The following PSMD14 variants were observed in gnomAD, a reference collection of about 807,000 sequenced individuals.
PSMD14 encodes the protein proteasome 26S subunit, non-ATPase 14.
PSMD14 carries 7 observed loss-of-function variants against 41.2 expected under a neutral mutation model. The ratio of observed to expected loss-of-function variants is 0.17; its 90% CI spans 0.10 to 0.32. The LOEUF is 0.32. Ranked by LOEUF, PSMD14 falls within the 10% of genes least tolerant of loss-of-function variation. The probability of loss-of-function intolerance (pLI) is 1.00; values close to 1 mark genes in which losing one functional copy is unlikely to be tolerated. For missense variants in PSMD14, 139 were observed against 375.6 expected, an observed-to-expected ratio of 0.37 and a Z score of 5.21; for synonymous variants, 114 against 122.3, an observed-to-expected ratio of 0.93 and a Z score of 0.45.
Position 161,378,667 on chromosome 2 carries a change from T to A in PSMD14, c.463-6797T>A, listed in dbSNP as rs541253422. ...TGGTTTTGTGTCAGGACAGCTATTA[T>A]AACAAACAGCTTTATGATGAAGAGT... On this transcript the variant is annotated intron_variant, in intron 7 of 11. Transcript: ENST00000409682. 9.2e-5 allele frequency among the ~76,000 whole-genome samples: 14 copies of A among 152,098 alleles called. No homozygotes were observed. The South Asian group carries it at 2.9e-3, about 32-fold the overall frequency.
intron 10 of PSMD14, among the ~76,000 whole-genome samples, chr2:161,401,367 C>G (rs1393920785): frequency 6.6e-6 from 1 of 152,192 alleles, no homozygotes; most frequent in Non-Finnish European, 1.5e-5. Context: ...GGTTAGCACC[C>G]ATAACCCTCA....
intron 3 of PSMD14, among the ~76,000 whole-genome samples, chr2:161,348,600 T>A (rs962850879): frequency 1.3e-5 from 2 of 152,246 alleles, no homozygotes; most frequent in African/African-American, 4.8e-5. Flanking sequence ...CATGGAGGAA[T>A]AATTCTATAC....
At chr2:161,351,715 A>G (rs1683119138) in intron 3 of PSMD14, among the ~76,000 whole-genome samples, 1 of 152,180 alleles carries the variant, frequency 6.6e-6, no homozygotes, top group Non-Finnish European at 1.5e-5. Context: ...CTCATACTGT[A>G]TGTCTACATG....
intron 10 of PSMD14, among the ~76,000 whole-genome samples, chr2:161,404,863 A>G (rs989566711): frequency 1.3e-5 from 2 of 152,230 alleles, no homozygotes; most frequent in African/African-American, 4.8e-5. Context: ...GAGCATTTCC[A>G]AGATTCAGCC....
chr2:161,361,640 C>A (rs1469623518), intron 3 of PSMD14, among the ~76,000 whole-genome samples: 2 of 151,868 alleles, frequency 1.3e-5, no homozygotes, highest in Non-Finnish European at 2.9e-5. Context: ...CATAAATGAA[C>A]AAATAGTAAA....
intron 2 of PSMD14, 50 bp downstream of exon 2, chr2:161,316,619 TAGAG>T (rs1284478168): frequency 2.0e-5 from 3 of 152,186 alleles, no homozygotes; most frequent in South Asian, 2.1e-4. Context: ...TACGGATGGA[TAGAG>T]AGATAGTATG....
chr2:161,313,570 G>A (rs1233289332), intron 1 of PSMD14, among the ~76,000 whole-genome samples: 6 of 152,122 alleles, frequency 3.9e-5, no homozygotes, highest in African/African-American at 1.2e-4. Context: ...GGCTGGTCTC[G>A]AGCTTCTGAC....
At position 161,384,778 on chromosome 2, in the gene PSMD14, G is replaced by T. The variant is rs143281385; in HGVS notation, c.463-686G>T. ...TGAAGTATTTCTGTACACACAAAAAGAATATACTTATTGTAATATCTTTAC... is the reference window on the plus strand; with the variant it reads ...TGAAGTATTTCTGTACACACAAAAATAATATACTTATTGTAATATCTTTAC... On this transcript the variant is annotated intron_variant, in intron 7 of 11. Transcript: ENST00000409682. 1.5e-4 allele frequency: 23 copies of T among 151,842 alleles called. No individual in the cohort carries two copies. In the East Asian group the frequency reaches 1.5e-3, roughly 10 times the overall value. The allele number at this position is 151,842 out of a possible 1,614,324, so 9.4% of individuals were successfully genotyped here.
At chr2:161,341,593 A>T (rs910140627) in intron 3 of PSMD14, among the ~76,000 whole-genome samples, 3 of 151,426 alleles carry the variant, frequency 2.0e-5, no homozygotes, top group Non-Finnish European at 4.4e-5. Flanking sequence ...TAATCCCATC[A>T]TGTTGGGAGG....
Position 161,371,157 on chromosome 2 carries a change from C to G in PSMD14, c.312-15C>G, listed in dbSNP as rs1683428632. The G allele has an allele frequency of 6.2e-7, 1 of 1,610,744 alleles. No individual in the cohort carries two copies. Among genetic ancestry groups the G allele is most frequent in the Admixed American group, 1.7e-5 (1 of 59,772 alleles). The stretch of plus-strand genomic sequence containing the variant: ...TTGTTCTGTTCTGAGCATCTGAATG[C>G]CCTCTTTGTTTCAGGCCGGAGATGG... On this transcript the variant is annotated splice_polypyrimidine_tract_variant and intron_variant, in intron 6 of 11. Transcript: ENST00000409682.
chr2:161,334,067 T>C (rs934251909), intron 3 of PSMD14, among the ~76,000 whole-genome samples: 6 of 151,948 alleles, frequency 3.9e-5, no homozygotes, highest in Non-Finnish European at 8.8e-5. Context: ...GCCTGGTGGC[T>C]CACACCTGTA....
chr2:161,367,994 T>G (rs1683382294), intron 5 of PSMD14, 91 bp downstream of exon 5: 1 of 1,374,270 alleles, frequency 7.3e-7, no homozygotes, highest in African/African-American at 1.5e-5. Flanking sequence ...ATATTACATT[T>G]TCTCTTTCCA....
intron 9 of PSMD14, among the ~76,000 whole-genome samples, chr2:161,392,132 T>C (rs1313952040): frequency 6.6e-6 from 1 of 152,196 alleles, no homozygotes; most frequent in East Asian, 1.9e-4. Flanking sequence ...ATGCCAAGTA[T>C]TTAAATCTGC....
At chr2:161,360,191 ATT>A (rs35876321) in intron 3 of PSMD14, among the ~76,000 whole-genome samples, 12 of 137,990 alleles carry the variant, frequency 8.7e-5, no homozygotes, top group Admixed American at 7.4e-5. Context: ...ATATGCATGT[ATT>A]TTTTTTTTTT....
intron 9 of PSMD14, among the ~76,000 whole-genome samples, chr2:161,393,430 G>A (rs1683741971): frequency 6.6e-6 from 1 of 152,136 alleles, no homozygotes; most frequent in African/African-American, 2.4e-5. Context: ...GGGAGAAAAT[G>A]GGAGAATTAG....
chr2:161,350,735 C>G (rs186246973), intron 3 of PSMD14, among the ~76,000 whole-genome samples: 72 of 152,316 alleles, frequency 4.7e-4, no homozygotes, highest in African/African-American at 1.7e-3. Flanking sequence ...CACTAGATTG[C>G]TGTAATGCAG....
intron 3 of PSMD14, among the ~76,000 whole-genome samples, chr2:161,346,651 G>A (rs1053996742): frequency 1.3e-5 from 2 of 150,920 alleles, no homozygotes; most frequent in African/African-American, 4.9e-5. Flanking sequence ...GAAACTGTTT[G>A]ATTCTTTCTA....
chr2:161,358,438 G>C (rs899818096), intron 3 of PSMD14, among the ~76,000 whole-genome samples: 7 of 152,088 alleles, frequency 4.6e-5, no homozygotes, highest in African/African-American at 1.7e-4. Context: ...GAGACATAAG[G>C]GTAGGGGTAA....
At chr2:161,373,044 AT>A (rs1416454389) in intron 7 of PSMD14, among the ~76,000 whole-genome samples, 1 of 151,722 alleles carries the variant, frequency 6.6e-6, no homozygotes, top group African/African-American at 2.4e-5. Flanking sequence ...ATGAGTATGT[AT>A]TTTATTTTTG....
Sources: allele counts gnomAD v4.1 joint callset (sites outside exome capture counted in the v4.1 genomes callset), GRCh38; gene constraint gnomAD v4.1.1; transcripts MANE v1.5; gene names NCBI Gene and HGNC (gene_info 2026-07-23, HGNC 2026-07-21).